The following SAMMSON variants were observed in gnomAD, a reference collection of about 807,000 sequenced individuals.
SAMMSON encodes survival associated mitochondrial melanoma specific oncogenic non-coding RNA.
At chr3:70,030,027 T>A (rs1294918409) in intron 3 of SAMMSON, among the ~76,000 whole-genome samples, 9 of 152,320 alleles carry the variant, frequency 5.9e-5, no homozygotes, top group African/African-American at 1.7e-4. Flanking sequence ...ATGAATTTAA[T>A]CTTGATTCAT....
intron 4 of SAMMSON, among the ~76,000 whole-genome samples, chr3:70,080,400 T>C (rs2067263737): frequency 6.6e-6 from 1 of 152,228 alleles, no homozygotes; most frequent in Non-Finnish European, 1.5e-5. Flanking sequence ...TACCTATTGA[T>C]TGTTTTAAGG....
chr3:70,064,946 A>G (rs934817676), intron 3 of SAMMSON, among the ~76,000 whole-genome samples: 2 of 152,132 alleles, frequency 1.3e-5, no homozygotes, highest in Admixed American at 6.6e-5. Context: ...GCAGACTGAC[A>G]TAATCTTCTC....
intron 4 of SAMMSON, among the ~76,000 whole-genome samples, chr3:70,195,687 T>G (rs1414903026): frequency 6.6e-6 from 1 of 152,232 alleles, no homozygotes; most frequent in Non-Finnish European, 1.5e-5. Flanking sequence ...TACTCATGCA[T>G]GATGCTTTTT....
At chr3:70,049,863 G>T (rs1449817964) in intron 3 of SAMMSON, among the ~76,000 whole-genome samples, 3 of 151,992 alleles carry the variant, frequency 2.0e-5, no homozygotes, top group Admixed American at 1.3e-4. Context: ...TTGATGTGTG[G>T]AAAGAGCACA....
At chr3:70,094,415 T>C (rs1352938923) in intron 4 of SAMMSON, among the ~76,000 whole-genome samples, 1 of 152,200 alleles carries the variant, frequency 6.6e-6, no homozygotes, top group East Asian at 1.9e-4. Context: ...ATACCTTTGA[T>C]GACGTTCCAC....
intron 7 of SAMMSON, among the ~76,000 whole-genome samples, chr3:70,317,619 T>A (rs1227739450): frequency 1.3e-5 from 2 of 151,336 alleles, no homozygotes; most frequent in Non-Finnish European, 3.0e-5. Flanking sequence ...TATGTATATA[T>A]GTATATATAT....
intron 4 of SAMMSON, among the ~76,000 whole-genome samples, chr3:70,235,355 T>C (rs1369923893): frequency 6.6e-6 from 1 of 152,214 alleles, no homozygotes; most frequent in African/African-American, 2.4e-5. Context: ...GGGTAGTCCT[T>C]AATACATACT....
At chr3:70,114,793 G>A (rs1036479140) in intron 4 of SAMMSON, among the ~76,000 whole-genome samples, 9 of 152,098 alleles carry the variant, frequency 5.9e-5, no homozygotes, top group Non-Finnish European at 1.2e-4. Flanking sequence ...TATAATATAG[G>A]ATTCAAAGCA....
chr3:70,063,100 G>A (rs1281372147), intron 3 of SAMMSON, among the ~76,000 whole-genome samples: 1 of 88,958 alleles, frequency 1.1e-5, no homozygotes, highest in African/African-American at 4.3e-5. Context: ...CCCCACCCCC[G>A]CCGCATTGAC....
At chr3:70,172,307 C>T (rs1700965000) in intron 4 of SAMMSON, 1 of 146,068 alleles carries the variant, frequency 6.8e-6, no homozygotes, top group South Asian at 2.2e-4. Context: ...GTGACAGTCT[C>T]ATGTTGGCCA....
At chr3:70,066,322 C>T (rs1255487092) in intron 3 of SAMMSON, among the ~76,000 whole-genome samples, 1 of 152,034 alleles carries the variant, frequency 6.6e-6, no homozygotes, top group Non-Finnish European at 1.5e-5. Context: ...TCAAATGTTT[C>T]TTCAAAAATG....
intron 3 of SAMMSON, among the ~76,000 whole-genome samples, chr3:70,037,481 G>A (rs1410342096): frequency 1.3e-5 from 2 of 152,150 alleles, no homozygotes; most frequent in African/African-American, 2.4e-5. Context: ...AGAAGAGGAT[G>A]AGCCCAACAG....
chr3:70,289,134 G>T (rs1702200253), intron 6 of SAMMSON, among the ~76,000 whole-genome samples: 1 of 151,424 alleles, frequency 6.6e-6, no homozygotes, highest in Non-Finnish European at 1.5e-5. Context: ...CTCGTTAGTT[G>T]ATGCAGTTTC....
intron 8 of SAMMSON, among the ~76,000 whole-genome samples, chr3:70,357,016 A>T (rs1389009166): frequency 6.6e-6 from 1 of 152,216 alleles, no homozygotes; most frequent in Non-Finnish European, 1.5e-5. Flanking sequence ...AAGTAGAATT[A>T]GTAGAGCCTG....
chr3:70,236,208 C>G (rs1042308766), intron 4 of SAMMSON, among the ~76,000 whole-genome samples: 10 of 152,280 alleles, frequency 6.6e-5, no homozygotes, highest in Admixed American at 5.2e-4. Flanking sequence ...GACTTGGCCC[C>G]TTGTGATCTA....
chr3:70,205,723 T>G (rs547657289), intron 4 of SAMMSON: 113 of 152,262 alleles, frequency 7.4e-4, no homozygotes, highest in African/African-American at 2.5e-3. Context: ...TATTCAAAGT[T>G]TATTTAATCT....
At chr3:70,073,158 TAGG>T (rs1428375389) in intron 4 of SAMMSON, among the ~76,000 whole-genome samples, 2 of 151,938 alleles carry the variant, frequency 1.3e-5, no homozygotes, top group African/African-American at 4.8e-5. Flanking sequence ...TGGCCTTACT[TAGG>T]AGGCCCATAC....
At chr3:70,313,083 GT>G (rs922720714) in intron 7 of SAMMSON, among the ~76,000 whole-genome samples, 6 of 151,908 alleles carry the variant, frequency 3.9e-5, no homozygotes, top group Admixed American at 1.3e-4. Flanking sequence ...AACATTTCAA[GT>G]TTTTTTTGAT....
At chr3:70,282,403 T>C (rs1702095461) in intron 6 of SAMMSON, among the ~76,000 whole-genome samples, 1 of 152,176 alleles carries the variant, frequency 6.6e-6, no homozygotes, top group South Asian at 2.1e-4. Flanking sequence ...TCCGATCATG[T>C]TAGTTACAGA....
Sources: gnomAD v4.1 joint callset for allele counts (sites outside exome capture counted in the v4.1 genomes callset) on GRCh38, gnomAD v4.1.1 for gene constraint, MANE v1.5 for transcripts, NCBI Gene and HGNC (gene_info 2026-07-23, HGNC 2026-07-21) for gene names.